Variants in HMGCL observed in about 807,000 individuals in gnomAD.
HMGCL encodes hydroxymethylglutaryl-CoA lyase, mitochondrial.
Under a neutral mutation model 37.3 loss-of-function variants are expected in HMGCL, and 26 were observed. The ratio of observed to expected loss-of-function variants is 0.70; its 90% CI spans 0.51 to 0.97. The LOEUF is 0.97. Among genes scored for constraint, HMGCL ranks in the 50% least tolerant of loss-of-function variants. The pLI, the probability that HMGCL is intolerant of heterozygous loss-of-function variation, is 0.00. For missense variants in HMGCL, 379 were observed against 398.1 expected (o/e 0.95, Z 0.41); for synonymous variants, 151 against 148.0 (o/e 1.02, Z -0.15).
At chr1:23,812,653 AG>A (rs1638539393) in intron 5 of HMGCL, among the ~76,000 whole-genome samples, 1 of 152,096 alleles carries the variant, frequency 6.6e-6, no homozygotes, top group African/African-American at 2.4e-5. Flanking sequence ...GCACGTGCAA[AG>A]GCCCAGAGGC....
chr1:23,815,212 A>G (rs1319809775), intron 4 of HMGCL, among the ~76,000 whole-genome samples: 1 of 152,062 alleles, frequency 6.6e-6, no homozygotes, highest in African/African-American at 2.4e-5. Context: ...GTCTAAAAAA[A>G]ACAAAAACAA....
rs568718845 is a variant in HMGCL at position 23,814,186 on chromosome 1, T to C, written c.497+4A>G. On this transcript the variant is annotated splice_donor_region_variant and intron_variant, in intron 5 of 8. Coordinates refer to ENST00000374490, the MANE Select transcript of HMGCL (RefSeq NM_000191.3). ...GGAAAGGATACCAATGTGCTCTGACTCACCCCCGCACAGAAATATTGGCTG... is the reference window on the plus strand; with the variant it reads ...GGAAAGGATACCAATGTGCTCTGACCCACCCCCGCACAGAAATATTGGCTG... The C allele has an allele frequency of 5.6e-6, 9 of 1,613,492 alleles. No individual in the cohort carries two copies. The highest frequency in any genetic ancestry group is 7.6e-6 in the Non-Finnish European group (9 of 1,179,946).
intron 1 of HMGCL, among the ~76,000 whole-genome samples, chr1:23,823,645 G>A (rs1366998814): frequency 3.9e-5 from 6 of 152,034 alleles, no homozygotes; most frequent in Non-Finnish European, 5.9e-5. Context: ...GAGCCACCAC[G>A]CCTGGTGAGC....
rs539011638 is a variant in HMGCL at position 23,823,533 on chromosome 1, A to G, written c.60+1823T>C. On this transcript the variant is annotated intron_variant, in intron 1 of 8. Coordinates refer to ENST00000374490, the MANE Select transcript of HMGCL (RefSeq NM_000191.3). ...ACACCTGGCTAATTTTTTGTATTTT[A>G]GTAGAGACAGGATTTCACCAGGTTG... Among the ~76,000 whole-genome samples the G allele has an allele frequency of 1.3e-4, 20 of 151,976 alleles. No homozygotes were observed. In the Middle Eastern group the frequency reaches 0.014, roughly 103 times the overall value.
intron 1 of HMGCL, among the ~76,000 whole-genome samples, chr1:23,823,313 A>AATATTTG (rs1638755787): frequency 6.6e-6 from 1 of 151,748 alleles, no homozygotes; most frequent in South Asian, 2.1e-4. Context: ...TTAAACACTT[A>AATATTTG]ATATTTGCCA....
Position 23,820,578 on chromosome 1 carries a change from T to C in HMGCL, c.76A>G (p.Met26Val), listed in dbSNP as rs756958205. 69 of 1,613,730 alleles carry C rather than the reference T, an allele frequency of 4.3e-5. No individual in the cohort carries two copies. The highest frequency in any genetic ancestry group is 5.5e-5 in the Non-Finnish European group (65 of 1,179,738). The part of the protein sequence containing the change: ...ASLRAVSTSS[M>V]GTLPKRVKIV... ...TTCACCCGCTTTGGTAAAGTGCCCATAGATGAGGTGCTGACCTTTGGTTTA... is the reference window on the plus strand; with the variant it reads ...TTCACCCGCTTTGGTAAAGTGCCCACAGATGAGGTGCTGACCTTTGGTTTA... Residue 26 changes from methionine to valine, a missense_variant, in exon 2 of 9, where the codon ATG becomes GTG. Met to Val is a conservative substitution (Grantham distance 21). Coordinates refer to ENST00000374490, the MANE Select transcript of HMGCL (RefSeq NM_000191.3).
At position 23,806,053 on chromosome 1, in the gene HMGCL, G is replaced by A. The variant is rs145835387; in HGVS notation, c.751-1528C>T. 1.0e-3 allele frequency among the ~76,000 whole-genome samples: 152 copies of A among 152,220 alleles called. No individual in the cohort carries two copies. The highest frequency in any genetic ancestry group is 3.5e-3 in the African/African-American group (144 of 41,536). The stretch of plus-strand genomic sequence containing the variant: ...TGCAACCTCCACCTCCCGGGCTCAA[G>A]TGATTCTCATGCCTCAGCCTCGCAA... On this transcript the variant is annotated intron_variant, in intron 7 of 8. Coordinates refer to ENST00000374490, the MANE Select transcript of HMGCL (RefSeq NM_000191.3). This position sits in a 1 kb window ranked among gnomAD's most constrained non-coding sequence, Gnocchi z 4.0.
intron 1 of HMGCL, among the ~76,000 whole-genome samples, chr1:23,821,166 C>A (rs895801151): frequency 6.6e-6 from 1 of 151,360 alleles, no homozygotes; most frequent in Non-Finnish European, 1.5e-5. Flanking sequence ...ACCAGCCTGA[C>A]CAACATGGTG....
intron 7 of HMGCL, among the ~76,000 whole-genome samples, chr1:23,807,854 T>C (rs528873428): frequency 6.6e-6 from 1 of 152,248 alleles, no homozygotes; most frequent in Admixed American, 6.5e-5. Flanking sequence ...CCAGATCTCC[T>C]CAGCTGGGAT....
intron 4 of HMGCL, among the ~76,000 whole-genome samples, chr1:23,815,210 A>T (rs558042893): frequency 4.6e-5 from 7 of 152,140 alleles, no homozygotes; most frequent in African/African-American, 1.4e-4. Context: ...CTGTCTAAAA[A>T]AAACAAAAAC....
chr1:23,816,566 G>C, intron 4 of HMGCL, 109 bp downstream of exon 4: 1 of 795,316 alleles, frequency 1.3e-6, no homozygotes. Context: ...TGACAGACAA[G>C]CTATTCAGAT....
chr1:23,804,369 G>A (rs760416644), intron 8 of HMGCL, 31 bp downstream of exon 8: 18 of 1,613,766 alleles, frequency 1.1e-5, no homozygotes, highest in Non-Finnish European at 1.4e-5. Context: ...TCAGTTCGGG[G>A]CTGTCGCCAC....
At position 23,816,695 on chromosome 1, in the gene HMGCL, A is replaced by G. The variant is rs762484816; in HGVS notation, c.328T>C (p.Leu110=). The G allele has an allele frequency of 2.5e-6, 4 of 1,611,966 alleles. No individual in the cohort carries two copies. The highest frequency in any genetic ancestry group is 2.2e-5 in the South Asian group (2 of 91,050). ...GINYPVLTPN[L]KGFEAAVAAG... is the part of the protein sequence containing the mutation. ...CTTACCGCTGCCTCGAAGCCTTTCA[A>G]ATTTGGGGTCAGGACTGGGTAGTTG... The change falls in exon 4 of 9, where the codon TTG becomes CTG. Residue 110 remains leucine (L), a synonymous_variant. Transcript: ENST00000374490.
intron 6 of HMGCL, among the ~76,000 whole-genome samples, chr1:23,809,078 G>A (rs1311175347): frequency 6.6e-6 from 1 of 150,496 alleles, no homozygotes; most frequent in Non-Finnish European, 1.5e-5. Flanking sequence ...ACTATTTTTT[G>A]TATTTTTAGT....
chr1:23,812,621 G>C (rs925732949), intron 5 of HMGCL, among the ~76,000 whole-genome samples: 1 of 152,110 alleles, frequency 6.6e-6, no homozygotes, highest in Non-Finnish European at 1.5e-5. Flanking sequence ...TCCCAAGGAA[G>C]GTTGTTCTGA....
intron 5 of HMGCL, among the ~76,000 whole-genome samples, chr1:23,812,755 C>T (rs185245264): frequency 4.6e-5 from 7 of 152,268 alleles, no homozygotes; most frequent in Admixed American, 2.6e-4. Flanking sequence ...GGAACTTGAA[C>T]GGTACGGCTA....
At chr1:23,810,347 C>A in intron 6 of HMGCL, 1 of 265,272 alleles carries the variant, frequency 3.8e-6, no homozygotes, top group South Asian at 4.2e-5. Flanking sequence ...AAACTCAATT[C>A]CCATGCCATG....
chr1:23,804,924 T>C (rs1443064193), intron 7 of HMGCL, among the ~76,000 whole-genome samples: 1 of 115,082 alleles, frequency 8.7e-6, no homozygotes, highest in East Asian at 3.1e-4. Context: ...TCTCACTCAG[T>C]CAGGGCCTTG....
chr1:23,810,562 G>GCTCCC, intron 6 of HMGCL, 174 bp downstream of exon 6: 1 of 647,232 alleles, frequency 1.5e-6, no homozygotes, highest in Admixed American at 2.2e-5. Flanking sequence ...TAGGAGGGGG[G>GCTCCC]CCTCTAGGGA....
Sources: gnomAD v4.1 joint callset for allele counts (sites outside exome capture counted in the v4.1 genomes callset) on GRCh38, gnomAD v4.1.1 for gene constraint, Gnocchi (gnomAD v3.1) non-coding constraint, MANE v1.5 for transcripts, NCBI Gene and HGNC (gene_info 2026-07-23, HGNC 2026-07-21) for gene names.